Variants in LRP1B observed in about 807,000 individuals in gnomAD.
LRP1B encodes LDL receptor related protein 1B.
In LRP1B, 217 loss-of-function variants were observed where a neutral mutation model predicts 556.6. The observed-to-expected ratio is 0.39, with a 90% CI of 0.35 to 0.44. LRP1B has a LOEUF of 0.44. Among genes scored for constraint, LRP1B ranks in the 20% least tolerant of loss-of-function variants. The pLI is 1.00. For synonymous variants in LRP1B, 2,047 were observed against 1,865.8 expected, an observed-to-expected ratio of 1.10 and a Z score of -2.50; for missense variants, 5,053 against 5,620.8, an observed-to-expected ratio of 0.90 and a Z score of 3.23.
chr2:142,115,582 AAT>A (rs370782124), intron 1 of LRP1B, among the ~76,000 whole-genome samples: 7 of 42,944 alleles, frequency 1.6e-4, no homozygotes, highest in South Asian at 5.0e-4. Flanking sequence ...TTATATATGT[AAT>A]ATATATATTA....
At chr2:141,862,447 C>A (rs558623179) in intron 1 of LRP1B, among the ~76,000 whole-genome samples, 2 of 152,192 alleles carry the variant, frequency 1.3e-5, no homozygotes, top group South Asian at 4.2e-4. Flanking sequence ...TGCATATTGC[C>A]CAGAGCTGGA....
intron 84 of LRP1B, among the ~76,000 whole-genome samples, chr2:140,297,540 A>G (rs1344894696): frequency 6.6e-6 from 1 of 152,132 alleles, no homozygotes; most frequent in African/African-American, 2.4e-5. Context: ...GAAGTGCAAA[A>G]GAGGGGAAGA....
At chr2:140,744,428 T>G (rs1688251764) in intron 35 of LRP1B, among the ~76,000 whole-genome samples, 1 of 152,140 alleles carries the variant, frequency 6.6e-6, no homozygotes, top group South Asian at 2.1e-4. Context: ...CTGGAGAGAA[T>G]TAAGATTGTA....
At chr2:141,421,141 A>C (rs1202820637) in intron 3 of LRP1B, among the ~76,000 whole-genome samples, 2 of 152,206 alleles carry the variant, frequency 1.3e-5, no homozygotes, top group Non-Finnish European at 1.5e-5. Flanking sequence ...GTTTTTGTGG[A>C]GGAACAAGGG....
intron 3 of LRP1B, among the ~76,000 whole-genome samples, chr2:141,260,499 G>A (rs1275877423): frequency 1.4e-3 from 1 of 716 alleles, no homozygotes; most frequent in East Asian, 0.045. Flanking sequence ...ATTAGAAGTT[G>A]GCAGTTTCCA....
chr2:141,253,806 A>T (rs1684359154), intron 4 of LRP1B, among the ~76,000 whole-genome samples: 1 of 151,950 alleles, frequency 6.6e-6, no homozygotes, highest in Non-Finnish European at 1.5e-5. Flanking sequence ...AAGGAAAGAG[A>T]GAGGCAGAGA....
intron 2 of LRP1B, among the ~76,000 whole-genome samples, chr2:141,764,307 A>G (rs1482128253): frequency 2.0e-5 from 3 of 151,990 alleles, no homozygotes; most frequent in East Asian, 1.9e-4. Context: ...CAGCCTTCCA[A>G]GTAGCTGGGA....
Position 140,363,695 on chromosome 2 carries a change from A to T in LRP1B, c.11131+966T>A, listed in dbSNP as rs548387715. On this transcript the variant is annotated intron_variant, in intron 72 of 90. Transcript: ENST00000389484. The stretch of plus-strand genomic sequence containing the variant: ...AACTCTCCAAAACCTGTTTTTTTTC[A>T]ACTTTTAAGTACTTAACAAAATAAA... 2.6e-5 allele frequency among the ~76,000 whole-genome samples: 4 copies of T among 151,438 alleles called. No individual in the cohort carries two copies. The East Asian group carries it at 7.8e-4, about 30-fold the overall frequency.
rs773602100 is a variant in LRP1B at position 141,480,492 on chromosome 2, C to G, written c.247G>C (p.Ala83Pro). ...ACACATTTGTTGGTACCAAGGCAAG[C>G]AATGTGATTCAAGGGGCACTTGATT... Reference protein sequence around the residue: ...VEIKCPLNHIACLGTNKCVHL... With the variant: ...VEIKCPLNHIPCLGTNKCVHL... Residue 83 changes from alanine (A) to proline (P), a missense_variant, in exon 3 of 91, where the codon GCT becomes CCT. This residue lies in a region of LRP1B where 3,619 missense variants were observed against 3,931.9 expected (regional missense o/e 0.92). Transcript: ENST00000389484. 1 of 1,613,880 alleles carries G rather than the reference C, an allele frequency of 6.2e-7. No homozygotes were observed. The highest frequency in any genetic ancestry group is 1.1e-5 in the South Asian group (1 of 91,076).
rs1270455301 is a variant in LRP1B, at chr2:140,841,083, C to T, written c.4949G>A (p.Ser1650Asn). Reference protein sequence around the residue: ...LETVISRDIQSIRGLAVDWVS... With the variant: ...LETVISRDIQNIRGLAVDWVS... ...CCAATCCACTGCTAGCCCTCTGATACTCTGAATATCTATAAAACAGGAAAG... is the reference window on the plus strand; with the variant it reads ...CCAATCCACTGCTAGCCCTCTGATATTCTGAATATCTATAAAACAGGAAAG... Residue 1650 changes from serine (S) to asparagine (N), a missense_variant, in exon 30 of 91, where the codon AGT becomes AAT. Around this residue, in one of 5 missense-constraint regions of LRP1B, gnomAD observed 3,619 missense variants for 3,931.9 expected, o/e 0.92. Coordinates refer to ENST00000389484, the MANE Select transcript of LRP1B (RefSeq NM_018557.3). 1.2e-6 allele frequency: 2 copies of T among 1,603,612 alleles called. No homozygotes were observed. Among genetic ancestry groups the T allele is most frequent in the Non-Finnish European group, 1.7e-6 (2 of 1,173,998 alleles).
intron 83 of LRP1B, among the ~76,000 whole-genome samples, chr2:140,304,802 G>T (rs1683995374): frequency 1.3e-5 from 2 of 152,182 alleles, no homozygotes; most frequent in Non-Finnish European, 2.9e-5. Flanking sequence ...TAACGTTTAA[G>T]TCTTTAATCC....
intron 1 of LRP1B, among the ~76,000 whole-genome samples, chr2:142,110,284 T>C (rs755096868): frequency 5.3e-5 from 8 of 152,262 alleles, no homozygotes; most frequent in Non-Finnish European, 8.8e-5. Flanking sequence ...GTAAAAGCCC[T>C]GCATGGTGAA....
At chr2:141,474,020 CTTCCTTCCTTCCTTCCTTCCTTCCT>C (rs1406081337) in intron 3 of LRP1B, among the ~76,000 whole-genome samples, 7 of 102,110 alleles carry the variant, frequency 6.9e-5, no homozygotes, top group African/African-American at 2.6e-4. Flanking sequence ...TCCTTCCTTC[CTTCCTTCCTTCCTTCCTTCCTTCCT>C]TTCCTTCCTT....
intron 1 of LRP1B, among the ~76,000 whole-genome samples, chr2:142,031,335 T>TGATAAGA (rs527872126): frequency 7.0e-4 from 95 of 136,662 alleles, no homozygotes; most frequent in East Asian, 2.2e-3. Context: ...TACTTATTTT[T>TGATAAGA]TTTTTTTTTT....
chr2:141,036,457 A>G (rs902856691), intron 11 of LRP1B, among the ~76,000 whole-genome samples: 1 of 152,074 alleles, frequency 6.6e-6, no homozygotes, highest in African/African-American at 2.4e-5. Context: ...GAAAACTCCT[A>G]AACCACTGGG....
At chr2:141,232,783 T>C (rs1393035046) in intron 5 of LRP1B, among the ~76,000 whole-genome samples, 1 of 152,200 alleles carries the variant, frequency 6.6e-6, no homozygotes, top group Non-Finnish European at 1.5e-5. Context: ...TTGTGAATGC[T>C]TTACTGAAGT....
intron 33 of LRP1B, among the ~76,000 whole-genome samples, chr2:140,775,073 ATT>A (rs1573700994): frequency 6.6e-6 from 1 of 152,104 alleles, no homozygotes; most frequent in Admixed American, 6.6e-5. Flanking sequence ...AAAGTTATTA[ATT>A]TTTTATGAAT....
At chr2:142,108,491 A>G (rs1397675440) in intron 1 of LRP1B, among the ~76,000 whole-genome samples, 2 of 152,236 alleles carry the variant, frequency 1.3e-5, no homozygotes, top group Non-Finnish European at 2.9e-5. Context: ...TCTCATGGGA[A>G]AAGAAAAGTC....
intron 18 of LRP1B, among the ~76,000 whole-genome samples, chr2:140,959,525 AC>A (rs1228551432): frequency 6.6e-6 from 1 of 151,726 alleles, no homozygotes; most frequent in Non-Finnish European, 1.5e-5. Flanking sequence ...TAATAATTAA[AC>A]AATGAATTTA....
Sources: allele counts gnomAD v4.1 joint callset (sites outside exome capture counted in the v4.1 genomes callset), GRCh38; gene constraint gnomAD v4.1.1; regional missense constraint gnomAD v4.1.1; transcripts MANE v1.5; gene names NCBI Gene and HGNC (gene_info 2026-07-23, HGNC 2026-07-21).